Variants in DCTN1 observed in about 807,000 individuals in gnomAD.
DCTN1 encodes dynactin subunit 1, also known as 150 kDa dynein-associated polypeptide.
A neutral mutation model predicts 161.2 loss-of-function variants in DCTN1; 61 were observed. The ratio of observed to expected loss-of-function variants is 0.38; its 90% CI spans 0.31 to 0.47. The LOEUF (loss-of-function observed/expected upper bound fraction) is 0.47, where lower values mean the gene tolerates loss of function less well. Ranked by LOEUF, DCTN1 falls within the 20% of genes least tolerant of loss-of-function variation. The pLI is 0.99. For missense variants in DCTN1, 1,404 were observed against 1,623.7 expected (o/e 0.86, Z 2.33); for synonymous variants, 653 against 632.4 (o/e 1.03, Z -0.49).
intron 8 of DCTN1, 141 bp downstream of exon 8, chr2:74,371,396 A>G (rs1674834447): frequency 8.0e-7 from 1 of 1,250,496 alleles, no homozygotes. Flanking sequence ...AGTCAGTAGC[A>G]AGATATCCAT....
At position 74,367,459 on chromosome 2, in the gene DCTN1, G is replaced by C. The variant is rs762703470; in HGVS notation, c.2185-39C>G. 76 of 1,610,532 alleles carry C rather than the reference G, an allele frequency of 4.7e-5. 1 individual carries two copies. The South Asian group carries it at 7.8e-4, about 17-fold the overall frequency. ...ACAGACAGACAACTTTTAGGCCCTGGAGCGGGTGGGGAGTTCTTCCCAAAC... is the reference window on the plus strand; with the variant it reads ...ACAGACAGACAACTTTTAGGCCCTGCAGCGGGTGGGGAGTTCTTCCCAAAC... On this transcript the variant is annotated intron_variant, in intron 18 of 31. Transcript: ENST00000628224.
chr2:74,386,722 T>C (rs979220751), intron 1 of DCTN1: 2 of 152,230 alleles, frequency 1.3e-5, no homozygotes, highest in South Asian at 2.1e-4. Flanking sequence ...AAAATTTAGA[T>C]ATATCTGCAT....
chr2:74,377,393 C>G (rs762351584), intron 4 of DCTN1, 39 bp downstream of exon 4: 2 of 1,577,790 alleles, frequency 1.3e-6, no homozygotes, highest in Non-Finnish European at 8.7e-7. Context: ...TCCTTCCCCT[C>G]CCTTTATTAT....
rs752469625 is a variant in DCTN1 at position 74,365,931 on chromosome 2, T to C, written c.2848A>G (p.Thr950Ala). 5.6e-6 allele frequency: 9 copies of C among 1,614,168 alleles called. No individual in the cohort carries two copies. The highest frequency in any genetic ancestry group is 1.6e-4 in the Middle Eastern group (1 of 6,062). ...GLGLKLEDRE[T>A]VIKELKKSLK... is the part of the protein sequence containing the mutation. ...GACTTCTTCAACTCCTTAATAACTG[T>C]CTCTCGATCTTCGAGCTTCAAACCC... is the stretch of plus-strand genomic sequence containing the variant. The change falls in exon 24 of 32, where the codon ACA becomes GCA. Residue 950 changes from threonine to alanine, a missense_variant. Transcript: ENST00000628224.
rs1675257054 is a variant in DCTN1, at chr2:74,376,848, G to C, written c.394-86C>G. On this transcript the variant is annotated intron_variant, in intron 4 of 31. Transcript: ENST00000628224. ...GACCAACTCGGGCTTACACAGGTTA[G>C]ACGCGGGTAGGGGGGAGTCAGGGTG... 2.4e-6 allele frequency: 3 copies of C among 1,267,122 alleles called. No homozygotes were observed. In the East Asian group the frequency reaches 7.4e-5, roughly 31 times the overall value. 78.5% of individuals were successfully genotyped at this position (1,267,122 alleles called of 1,614,324 possible).
At chr2:74,374,729 A>G in intron 5 of DCTN1, 1 of 1,171,992 alleles carries the variant, frequency 8.5e-7, no homozygotes, top group Non-Finnish European at 1.1e-6. Flanking sequence ...ATGGGGGTGG[A>G]GCCACTGCTC....
chr2:74,376,710 A>G, intron 5 of DCTN1, 32 bp downstream of exon 5: 1 of 1,593,452 alleles, frequency 6.3e-7, no homozygotes, highest in South Asian at 1.1e-5. Context: ...CATGGCCCCC[A>G]TCCACCCAGG....
At chr2:74,377,561 G>C in intron 3 of DCTN1, 87 bp downstream of exon 3, 3 of 1,523,618 alleles carry the variant, frequency 2.0e-6, no homozygotes, top group Admixed American at 1.7e-5. Context: ...AAAAATCTTA[G>C]GATCTACTGT....
rs1437825772 is a variant in DCTN1 at position 74,366,324 on chromosome 2, T to C, written c.2680A>G (p.Asn894Asp). The C allele has an allele frequency of 6.2e-6, 10 of 1,614,196 alleles. No homozygotes were observed. The highest frequency in any genetic ancestry group is 5.0e-5 in the Admixed American group (3 of 60,032). Reference sequence around the variant, plus strand: ...TTGTTCATGGTACTGATGAGGATGTTGCATGACTGGCGCAGACACTCATAG... The same window carrying C: ...TTGTTCATGGTACTGATGAGGATGTCGCATGACTGGCGCAGACACTCATAG... ...SPYECLRQSC[N>D]ILISTMNKLA... The change falls in exon 23 of 32, where the codon AAC (asparagine) becomes GAC (aspartate). Residue 894 changes from asparagine to aspartate, a missense_variant. Coordinates refer to ENST00000628224, the MANE Select transcript of DCTN1 (RefSeq NM_004082.5).
chr2:74,365,480 T>C lies in DCTN1; in HGVS notation c.3029+35A>G, dbSNP rs1314586025. 6 of 1,613,796 alleles carry C rather than the reference T, an allele frequency of 3.7e-6. No homozygotes were observed. The African/African-American group carries it at 4.0e-5, about 11-fold the overall frequency. On this transcript the variant is annotated intron_variant, in intron 25 of 31. Coordinates refer to ENST00000628224, the MANE Select transcript of DCTN1 (RefSeq NM_004082.5). ...GCAGAGAGCTCCAGCAGTGGGAGGA[T>C]TAGAGGAAGCAAGGCCCCAGGGAAA...
chr2:74,366,737 A>C, intron 21 of DCTN1, 46 bp downstream of exon 21: 1 of 1,614,194 alleles, frequency 6.2e-7, no homozygotes, highest in Non-Finnish European at 8.5e-7. Flanking sequence ...TATACCCTTC[A>C]TGTTTCTACT....
chr2:74,371,154 T>A lies in DCTN1; in HGVS notation c.668A>T (p.Gln223Leu), dbSNP rs1351319072. The A allele has an allele frequency of 5.6e-6, 9 of 1,613,946 alleles. No homozygotes were observed. The South Asian group carries it at 9.9e-5, about 18-fold the overall frequency. Residue 223 changes from glutamine to leucine, a missense_variant, in exon 9 of 32, where the codon CAG (glutamine) becomes CTG (leucine). Around this residue, in one of 9 missense-constraint regions of DCTN1, gnomAD observed 67 missense variants for 116.3 expected, o/e 0.58. Transcript: ENST00000628224. ...TAGTTTCTCCTCCAGGTCCCGCACC[T>A]GAGCCCTTAGTCCCTCCTCCTCCTG... is the stretch of plus-strand genomic sequence containing the variant. ...PSKEEEGLRA[Q>L]VRDLEEKLET...
At chr2:74,388,144 C>T (rs921616325) in intron 1 of DCTN1, among the ~76,000 whole-genome samples, 16 of 152,114 alleles carry the variant, frequency 1.1e-4, no homozygotes, top group African/African-American at 3.9e-4. Flanking sequence ...TTGCAGTGAG[C>T]CAAAATCTCA....
chr2:74,367,474 T>C (rs1007915315), intron 18 of DCTN1, 54 bp from the exon 19 acceptor site: 10 of 1,597,928 alleles, frequency 6.3e-6, no homozygotes, highest in African/African-American at 2.7e-5. Flanking sequence ...GGTGGGGAGT[T>C]CTTCCCAAAC....
chr2:74,381,176 T>C (rs1304131687), upstream of DCTN1, among the ~76,000 whole-genome samples: 2 of 152,236 alleles, frequency 1.3e-5, no homozygotes, highest in Non-Finnish European at 1.5e-5. Flanking sequence ...GTTACCACAC[T>C]GCTTTCATTC....
At chr2:74,368,267 C>G in intron 16 of DCTN1, 136 bp from the exon 17 acceptor site, 1 of 1,203,558 alleles carries the variant, frequency 8.3e-7, no homozygotes, top group Non-Finnish European at 1.2e-6. Context: ...TAGCTCTTAC[C>G]TGGGTGGGGA....
chr2:74,370,689 G>A lies in DCTN1; in HGVS notation c.980C>T (p.Ala327Val). ...RAESLQQEVE[A>V]LKERVDELTT... ...GAGCTCGTCCACCCGCTCCTTCAGTGCCTCCACCTCCTGCTGCAGGGACTC... is the reference window on the plus strand; with the variant it reads ...GAGCTCGTCCACCCGCTCCTTCAGTACCTCCACCTCCTGCTGCAGGGACTC... The change falls in exon 10 of 32, where the codon GCA becomes GTA. Residue 327 changes from alanine to valine, a missense_variant. Physicochemically the swap from Ala to Val is moderately conservative, Grantham distance 64. This residue lies in a region of DCTN1 where 278 missense variants were observed against 363.8 expected (regional missense o/e 0.76). Transcript: ENST00000628224. The surrounding 1 kb of genome is among the most constrained non-coding windows in gnomAD (Gnocchi z 4.4). 1 of 1,614,178 alleles carries A rather than the reference G, an allele frequency of 6.2e-7. No homozygotes were observed. The highest frequency in any genetic ancestry group is 8.5e-7 in the Non-Finnish European group (1 of 1,180,036).
At chr2:74,362,191 G>T in intron 30 of DCTN1, 50 bp from the exon 31 acceptor site, 1 of 1,554,722 alleles carries the variant, frequency 6.4e-7, no homozygotes, top group Non-Finnish European at 8.9e-7. Flanking sequence ...ACCCCCACAG[G>T]CTAGCACAAG....
chr2:74,374,792 A>G, intron 5 of DCTN1: 1 of 1,051,514 alleles, frequency 9.5e-7, no homozygotes, highest in Non-Finnish European at 1.2e-6. Context: ...TCCTCATGAC[A>G]GTCATGCGCA....
Sources: gnomAD v4.1 joint callset for allele counts (sites outside exome capture counted in the v4.1 genomes callset) on GRCh38, gnomAD v4.1.1 for gene constraint, gnomAD v4.1.1 regional missense constraint, Gnocchi (gnomAD v3.1) non-coding constraint, MANE v1.5 for transcripts, NCBI Gene and HGNC (gene_info 2026-07-23, HGNC 2026-07-21) for gene names.